Variants in SNTG1 observed in about 807,000 individuals in gnomAD.
The protein encoded by SNTG1 is syntrophin gamma 1.
Under a neutral mutation model 74.7 loss-of-function variants are expected in SNTG1, and 39 were observed. The observed-to-expected ratio is 0.52, with a 90% CI of 0.40 to 0.68. The LOEUF (loss-of-function observed/expected upper bound fraction) is 0.68, where lower values mean the gene tolerates loss of function less well. Among genes scored for constraint, SNTG1 ranks in the 30% least tolerant of loss-of-function variants. The pLI is 0.00. For missense variants in SNTG1, 685 were observed against 609.5 expected, an observed-to-expected ratio of 1.12 and a Z score of -1.30; for synonymous variants, 254 against 217.1, an observed-to-expected ratio of 1.17 and a Z score of -1.49.
At chr8:50,260,777 C>G (rs1184110077) in intron 2 of SNTG1, among the ~76,000 whole-genome samples, 1 of 143,520 alleles carries the variant, frequency 7.0e-6, no homozygotes, top group Non-Finnish European at 1.5e-5. Context: ...AAAAGAAAAG[C>G]AAGAAATTAA....
intron 1 of SNTG1, among the ~76,000 whole-genome samples, chr8:49,977,092 C>T (rs1036362712): frequency 6.6e-6 from 1 of 152,046 alleles, no homozygotes; most frequent in Non-Finnish European, 1.5e-5. Context: ...AAGAGAAGAG[C>T]AACCAGTCTG....
intron 1 of SNTG1, among the ~76,000 whole-genome samples, chr8:50,162,476 G>A (rs1010912880): frequency 1.3e-5 from 2 of 150,660 alleles, no homozygotes. Context: ...GCAGGAGAAC[G>A]GCATGAACCC....
intron 16 of SNTG1, among the ~76,000 whole-genome samples, chr8:50,706,879 C>G (rs1029087673): frequency 6.6e-6 from 1 of 151,578 alleles, no homozygotes; most frequent in African/African-American, 2.4e-5. Context: ...TAAGTTCTAT[C>G]GTAAAACAAG....
At chr8:50,644,952 C>T (rs550355092) in intron 13 of SNTG1, among the ~76,000 whole-genome samples, 5 of 149,770 alleles carry the variant, frequency 3.3e-5, no homozygotes, top group South Asian at 2.1e-4. Flanking sequence ...AGATGAGGTC[C>T]GCTATGTTGC....
At chr8:50,683,126 TC>T (rs2095337755) in intron 15 of SNTG1, among the ~76,000 whole-genome samples, 1 of 152,158 alleles carries the variant, frequency 6.6e-6, no homozygotes, top group Non-Finnish European at 1.5e-5. Context: ...TAGTGCTATG[TC>T]CCCACACTGG....
intron 2 of SNTG1, among the ~76,000 whole-genome samples, chr8:50,349,042 T>C (rs1201901619): frequency 6.6e-6 from 1 of 152,234 alleles, no homozygotes. Context: ...TCTTCAAGAA[T>C]ATGAAGAATC....
At chr8:49,978,195 T>C (rs1812361142) in intron 1 of SNTG1, among the ~76,000 whole-genome samples, 1 of 151,352 alleles carries the variant, frequency 6.6e-6, no homozygotes, top group South Asian at 2.1e-4. Flanking sequence ...AAACAACTAA[T>C]TCCCCAACTT....
intron 2 of SNTG1, among the ~76,000 whole-genome samples, chr8:50,221,205 G>T (rs1289960775): frequency 1.3e-5 from 2 of 152,022 alleles, no homozygotes; most frequent in East Asian, 3.9e-4. Flanking sequence ...ACACAATATG[G>T]TAATATAGAA....
chr8:50,764,571 A>G (rs2095608768), intron 18 of SNTG1, among the ~76,000 whole-genome samples: 1 of 151,934 alleles, frequency 6.6e-6, no homozygotes. Flanking sequence ...TAGAAACTCA[A>G]TGGGCTATCA....
intron 2 of SNTG1, among the ~76,000 whole-genome samples, chr8:50,300,296 T>A (rs368908044): frequency 1.3e-5 from 2 of 152,164 alleles, no homozygotes; most frequent in Non-Finnish European, 2.9e-5. Flanking sequence ...AGTTGTTAAT[T>A]AAACACATGC....
Position 50,457,146 on chromosome 8 carries a change from G to A in SNTG1, c.363+6417G>A, listed in dbSNP as rs193013716. 9.2e-5 allele frequency: 14 copies of A among 152,244 alleles called. No homozygotes were observed. In the East Asian group the frequency reaches 2.3e-3, roughly 25 times the overall value. The allele number at this position is 152,244 out of a possible 1,614,324, so 9.4% of individuals were successfully genotyped here. Reference sequence around the variant, plus strand: ...AAGGGCCTCATTCTGTCTTGCCCTCGTTTTTCTCATCTGAAGGATTAAGAG... The same window carrying A: ...AAGGGCCTCATTCTGTCTTGCCCTCATTTTTCTCATCTGAAGGATTAAGAG... On this transcript the variant is annotated intron_variant, in intron 8 of 18. Transcript: ENST00000642720.
At chr8:50,487,875 T>A (rs1259563122) in intron 8 of SNTG1, among the ~76,000 whole-genome samples, 1 of 152,128 alleles carries the variant, frequency 6.6e-6, no homozygotes, top group East Asian at 1.9e-4. Flanking sequence ...TCTCTAGAAC[T>A]AAAGGGCTTT....
intron 12 of SNTG1, 26 bp downstream of exon 12, chr8:50,553,205 A>C: frequency 6.2e-7 from 1 of 1,613,062 alleles, no homozygotes; most frequent in Non-Finnish European, 8.5e-7. Context: ...AGGAATACCT[A>C]GCCAGGGTTT....
At chr8:50,075,924 T>C (rs1160797232) in intron 1 of SNTG1, among the ~76,000 whole-genome samples, 1 of 152,040 alleles carries the variant, frequency 6.6e-6, no homozygotes, top group Non-Finnish European at 1.5e-5. Context: ...ACTCCGGACA[T>C]GCCACCTTTA....
Position 50,475,248 on chromosome 8 carries a change from A to AAT in SNTG1, c.363+24520_363+24521insTA, listed in dbSNP as rs1563439485. ...ATAATAATAATAATAATAATAATAA[A>AAT]AAAGAGCATGCAGTGGCAAAAAAAG... On this transcript the variant is annotated intron_variant, in intron 8 of 18. Transcript: ENST00000642720. 2.5e-3 allele frequency among the ~76,000 whole-genome samples: 380 copies of AAT among 149,644 alleles called. 3 individuals are homozygous for AAT. Among genetic ancestry groups the AAT allele is most frequent in the African/African-American group, 7.9e-3 (315 of 39,864 alleles).
At chr8:50,708,714 C>T in intron 16 of SNTG1, 172 bp from the exon 17 acceptor site, 1 of 570,494 alleles carries the variant, frequency 1.8e-6, no homozygotes, top group Non-Finnish European at 3.1e-6. Context: ...ACACTCTCAG[C>T]TTCTGTTTCA....
At chr8:50,290,830 G>A (rs901694255) in intron 2 of SNTG1, among the ~76,000 whole-genome samples, 1 of 151,662 alleles carries the variant, frequency 6.6e-6, no homozygotes, top group Non-Finnish European at 1.5e-5. Flanking sequence ...GTGATCTCAG[G>A]GCTCACTGCA....
intron 2 of SNTG1, among the ~76,000 whole-genome samples, chr8:50,361,348 G>A (rs1269185214): frequency 6.6e-6 from 1 of 152,146 alleles, no homozygotes; most frequent in Non-Finnish European, 1.5e-5. Context: ...TGTGCCTGAA[G>A]CTCTTCTTGA....
intron 17 of SNTG1, among the ~76,000 whole-genome samples, chr8:50,721,516 T>C (rs944206610): frequency 6.6e-6 from 1 of 152,178 alleles, no homozygotes; most frequent in Non-Finnish European, 1.5e-5. Flanking sequence ...CTTTCCTGGG[T>C]TTAGTGTCTT....
Sources: gnomAD v4.1 joint callset for allele counts (sites outside exome capture counted in the v4.1 genomes callset) on GRCh38, gnomAD v4.1.1 for gene constraint, MANE v1.5 for transcripts, NCBI Gene and HGNC (gene_info 2026-07-23, HGNC 2026-07-21) for gene names.